Variants in KLF13 observed in about 807,000 individuals in gnomAD.
KLF13 encodes KLF transcription factor 13.
In KLF13, 8 loss-of-function variants were observed where a neutral mutation model predicts 16.7. The ratio of observed to expected loss-of-function variants is 0.48; its 90% CI spans 0.28 to 0.87. The LOEUF is 0.87. KLF13 is among the 40% of genes least tolerant of loss of function. KLF13 has a pLI of 0.10. For missense variants in KLF13, 447 were observed against 452.2 expected (o/e 0.99, Z 0.10); for synonymous variants, 245 against 208.4 (o/e 1.18, Z -1.51).
chr15:31,401,293 C>A (rs982750325), intron 2 of KLF13, among the ~76,000 whole-genome samples: 2 of 152,238 alleles, frequency 1.3e-5, no homozygotes, highest in East Asian at 3.8e-4. Flanking sequence ...AGCCACTGCA[C>A]CCGGCCGAGA....
intron 1 of KLF13, among the ~76,000 whole-genome samples, chr15:31,361,459 C>T (rs1418271954): frequency 6.6e-6 from 1 of 152,110 alleles, no homozygotes; most frequent in East Asian, 1.9e-4. Flanking sequence ...AAAGCTGCAC[C>T]CCTGTAAAGA....
At chr15:31,331,679 C>T (rs545514471) in intron 1 of KLF13, among the ~76,000 whole-genome samples, 2 of 152,336 alleles carry the variant, frequency 1.3e-5, no homozygotes, top group South Asian at 4.1e-4. Flanking sequence ...CCCTCCCTCT[C>T]GTACCCTCGC....
chr15:31,401,104 A>G (rs1357964611), intron 2 of KLF13, among the ~76,000 whole-genome samples: 1 of 152,048 alleles, frequency 6.6e-6, no homozygotes, highest in Admixed American at 6.6e-5. Flanking sequence ...CCCGGGAGCA[A>G]GCTATTCTGC....
intron 1 of KLF13, among the ~76,000 whole-genome samples, chr15:31,365,528 A>G (rs1488789400): frequency 6.9e-6 from 1 of 144,620 alleles, no homozygotes; most frequent in Non-Finnish European, 1.5e-5. Context: ...TGCAAAAATG[A>G]CCACTCAACA....
At chr15:31,381,464 T>C (rs1292422434), downstream of KLF13, among the ~76,000 whole-genome samples, 4 of 152,142 alleles carry the variant, frequency 2.6e-5, no homozygotes, top group Non-Finnish European at 4.4e-5. Context: ...CTCCCTCTTA[T>C]AAGGACCTCT....
chr15:31,401,078 A>C (rs1483703746), intron 2 of KLF13, among the ~76,000 whole-genome samples: 2 of 151,592 alleles, frequency 1.3e-5, no homozygotes, highest in Non-Finnish European at 2.9e-5. Flanking sequence ...ATCTTGGCTC[A>C]CTGCAACCTC....
At chr15:31,423,863 C>T (rs181487875) in intron 1 of KLF13, among the ~76,000 whole-genome samples, 9 of 152,084 alleles carry the variant, frequency 5.9e-5, no homozygotes, top group South Asian at 2.1e-4. Flanking sequence ...AAAAGGAAAA[C>T]GGGTAGATCA....
chr15:31,409,231 G>C (rs959083020), downstream of KLF13, among the ~76,000 whole-genome samples: 23 of 152,112 alleles, frequency 1.5e-4, 1 homozygote, highest in Admixed American at 8.5e-4. Context: ...TTCACAGTGA[G>C]TCAAAATTGT....
At chr15:31,370,156 T>C (rs2039536477) in intron 1 of KLF13, among the ~76,000 whole-genome samples, 1 of 151,830 alleles carries the variant, frequency 6.6e-6, no homozygotes, top group African/African-American at 2.4e-5. Context: ...GTCGTGTATT[T>C]GGGAAATCGT....
chr15:31,344,921 G>A (rs567137484), intron 1 of KLF13, among the ~76,000 whole-genome samples: 11 of 152,298 alleles, frequency 7.2e-5, no homozygotes, highest in African/African-American at 2.4e-4. Flanking sequence ...GCAGGCCAAG[G>A]TTCCAGGGTT....
chr15:31,429,367 A>G (rs1431809116), intron 1 of KLF13, among the ~76,000 whole-genome samples: 1 of 152,244 alleles, frequency 6.6e-6, no homozygotes, highest in Non-Finnish European at 1.5e-5. Context: ...CCGCTTACAT[A>G]TGATACCAAG....
chr15:31,430,244 C>T (rs1328898730), intron 1 of KLF13, among the ~76,000 whole-genome samples: 1 of 151,970 alleles, frequency 6.6e-6, no homozygotes, highest in Non-Finnish European at 1.5e-5. Context: ...AGTACATACA[C>T]CCAGCAAAGA....
chr15:31,387,801 G>C (rs2039810354), intron 1 of KLF13, among the ~76,000 whole-genome samples: 1 of 152,248 alleles, frequency 6.6e-6, no homozygotes, highest in African/African-American at 2.4e-5. Context: ...ATTGAAGTGT[G>C]CACAGATGTC....
At position 31,374,150 on chromosome 15, in the gene KLF13, C is replaced by T. The variant is rs2039605064; in HGVS notation, c.*1851C>T. ...CTGTTTTGGCTGGCTCCAGAGTGGA[C>T]AGGTACGCTCTGTCCACAGCAGCTG... On this transcript the variant is annotated 3_prime_UTR_variant, in exon 2 of 2. Coordinates refer to ENST00000307145, the MANE Select transcript of KLF13 (RefSeq NM_015995.4). 6.5e-6 allele frequency: 1 copy of T among 152,766 alleles called. No homozygotes were observed. Among genetic ancestry groups the T allele is most frequent in the Non-Finnish European group, 1.5e-5 (1 of 68,094 alleles). The allele number at this position is 152,766 out of a possible 1,614,324, so 9.5% of individuals were successfully genotyped here. A position where few individuals can be genotyped will look rare whatever the true frequency, so the allele number is the denominator to read the frequency against.
chr15:31,430,763 G>T (rs919037375), intron 1 of KLF13, among the ~76,000 whole-genome samples: 1 of 152,208 alleles, frequency 6.6e-6, no homozygotes, highest in African/African-American at 2.4e-5. Context: ...ACATGTAAAT[G>T]TTCCTTAATC....
chr15:31,346,549 GAGCCCCA>G (rs887663510), intron 1 of KLF13, among the ~76,000 whole-genome samples: 1 of 152,214 alleles, frequency 6.6e-6, no homozygotes, highest in Non-Finnish European at 1.5e-5. Flanking sequence ...TTCCAGGCCA[GAGCCCCA>G]AGGCCTCATG....
chr15:31,393,791 AC>A (rs2039911204), intron 2 of KLF13: 1 of 152,314 alleles, frequency 6.6e-6, no homozygotes, highest in African/African-American at 2.4e-5. Flanking sequence ...CCGTCTCATT[AC>A]TACCACAGCC....
chr15:31,397,674 G>A (rs1216893628), intron 2 of KLF13, among the ~76,000 whole-genome samples: 1 of 152,226 alleles, frequency 6.6e-6, no homozygotes, highest in Admixed American at 6.5e-5. Context: ...AGGACTAAAT[G>A]AGCTACTCTT....
At chr15:31,394,047 A>G (rs927345666) in intron 2 of KLF13, among the ~76,000 whole-genome samples, 1 of 152,160 alleles carries the variant, frequency 6.6e-6, no homozygotes, top group African/African-American at 2.4e-5. Context: ...CCATGAGGCT[A>G]ACATCTCCAC....
Sources: allele counts gnomAD v4.1 joint callset (sites outside exome capture counted in the v4.1 genomes callset), GRCh38; gene constraint gnomAD v4.1.1; transcripts MANE v1.5; gene names NCBI Gene and HGNC (gene_info 2026-07-23, HGNC 2026-07-21).